ADORA2B: variants seen among roughly 807,000 people sequenced by gnomAD.
The protein encoded by ADORA2B is adenosine A2b receptor.
Under a neutral mutation model 20.8 loss-of-function variants are expected in ADORA2B, and 18 were observed. That is an observed-to-expected ratio of 0.87 (90% CI 0.60 to 1.29). The LOEUF is 1.29. Ranked by LOEUF, ADORA2B falls within the 50% of genes most tolerant of loss-of-function variation. ADORA2B has a pLI of 0.00. For missense variants in ADORA2B, 441 were observed against 422.7 expected, an observed-to-expected ratio of 1.04 and a Z score of -0.38; for synonymous variants, 179 against 178.3, an observed-to-expected ratio of 1.00 and a Z score of -0.03.
At chr17:15,967,075 G>A (rs1025408747) in intron 1 of ADORA2B, among the ~76,000 whole-genome samples, 2 of 152,206 alleles carry the variant, frequency 1.3e-5, no homozygotes, top group Non-Finnish European at 1.5e-5. Flanking sequence ...GGGTGGGGCC[G>A]AGGAGGGAGA....
At position 15,975,312 on chromosome 17, in the gene ADORA2B, G is replaced by GGTAC; in HGVS notation, c.970_973dup (p.Gln325ArgfsTer12). The GGTAC allele has an allele frequency of 6.2e-7, 1 of 1,612,734 alleles. No homozygotes were observed. Among genetic ancestry groups the GGTAC allele is most frequent in the South Asian group, 1.1e-5 (1 of 91,050 alleles). On this transcript the variant is annotated frameshift_variant, in exon 2 of 2. Coordinates refer to ENST00000304222, the MANE Select transcript of ADORA2B (RefSeq NM_000676.4). LOFTEE classifies it high-confidence loss of function. ...TCAAGAGTGGGAATGGTCAGGCTGG[G>GGTAC]GTACAGCCTGCTCTCGGTGTGGGCC...
chr17:15,897,608 GTAA>G, the ADORA2B span, among the ~76,000 whole-genome samples: 1 of 152,028 alleles, frequency 6.6e-6, no homozygotes, highest in Non-Finnish European at 1.5e-5. Context: ...CTGCTAACCA[GTAA>G]TAATAAGACA....
chr17:15,927,432 G>A, the ADORA2B span, among the ~76,000 whole-genome samples: 5 of 151,778 alleles, frequency 3.3e-5, no homozygotes, highest in African/African-American at 7.3e-5. Context: ...GCAGTGAGCC[G>A]AGTTTGAGCC....
chr17:15,858,245 G>T, the ADORA2B span, among the ~76,000 whole-genome samples: 1 of 151,980 alleles, frequency 6.6e-6, no homozygotes, highest in Non-Finnish European at 1.5e-5. Flanking sequence ...GGGTTTCTCT[G>T]CCTCCTCACC....
At chr17:15,916,990 G>C in the ADORA2B span, among the ~76,000 whole-genome samples, 3 of 152,228 alleles carry the variant, frequency 2.0e-5, no homozygotes, top group African/African-American at 4.8e-5. Flanking sequence ...TCGGCCACCT[G>C]TCCTGGAGAA....
At chr17:15,900,136 A>G in the ADORA2B span, among the ~76,000 whole-genome samples, 1 of 151,796 alleles carries the variant, frequency 6.6e-6, no homozygotes, top group Non-Finnish European at 1.5e-5. Context: ...AGCCAAACAC[A>G]TTTTCTTTAT....
chr17:15,951,799 G>A (rs1229355291), intron 1 of ADORA2B, among the ~76,000 whole-genome samples: 1 of 152,232 alleles, frequency 6.6e-6, no homozygotes, highest in African/African-American at 2.4e-5. Flanking sequence ...AGATGGAGGT[G>A]GACTTGGTGT....
At chr17:15,954,186 C>T (rs551765652) in intron 1 of ADORA2B, among the ~76,000 whole-genome samples, 4 of 152,084 alleles carry the variant, frequency 2.6e-5, no homozygotes, top group Non-Finnish European at 4.4e-5. Flanking sequence ...ACCATATTGG[C>T]CAGGCTGGTC....
At chr17:15,891,868 G>T in the ADORA2B span, among the ~76,000 whole-genome samples, 34 of 117,766 alleles carry the variant, frequency 2.9e-4, no homozygotes, top group Admixed American at 1.3e-3. Context: ...TTTTTTTTGA[G>T]ATGGAATCTC....
At chr17:15,850,867 G>A in the ADORA2B span, among the ~76,000 whole-genome samples, 11 of 152,244 alleles carry the variant, frequency 7.2e-5, no homozygotes, top group African/African-American at 1.9e-4. Context: ...TGTGAGCTCC[G>A]TGAGGACCAA....
chr17:15,903,747 AAAGT>A, the ADORA2B span, among the ~76,000 whole-genome samples: 2 of 152,216 alleles, frequency 1.3e-5, no homozygotes, highest in African/African-American at 2.4e-5. Context: ...TTAGTTGTGA[AAAGT>A]AAGAGTTCAA....
At chr17:15,963,694 G>T (rs1455538153) in intron 1 of ADORA2B, among the ~76,000 whole-genome samples, 1 of 152,198 alleles carries the variant, frequency 6.6e-6, no homozygotes. Context: ...AACTCTGGGA[G>T]ACCTGGTCCT....
chr17:15,946,943 C>CGGA (rs1364910083), intron 1 of ADORA2B, among the ~76,000 whole-genome samples: 1 of 152,154 alleles, frequency 6.6e-6, no homozygotes, highest in African/African-American at 2.4e-5. Context: ...GGAATGGAGC[C>CGGA]GGAGAATGCT....
intron 1 of ADORA2B, among the ~76,000 whole-genome samples, chr17:15,960,063 T>C (rs898931849): frequency 6.6e-6 from 1 of 151,668 alleles, no homozygotes; most frequent in Admixed American, 6.6e-5. Flanking sequence ...AGGCCAGAAG[T>C]TCAAGACCAG....
the ADORA2B span, among the ~76,000 whole-genome samples, chr17:15,926,973 A>G: frequency 6.6e-6 from 1 of 152,180 alleles, no homozygotes; most frequent in Admixed American, 6.5e-5. Context: ...CCTGTCTCAA[A>G]AAATAAAATA....
the ADORA2B span, among the ~76,000 whole-genome samples, chr17:15,894,059 C>T: frequency 1.8e-4 from 27 of 152,292 alleles, no homozygotes; most frequent in African/African-American, 6.3e-4. Flanking sequence ...TGACCTAGAA[C>T]ATCCTACAAT....
At chr17:15,905,286 G>C in the ADORA2B span, among the ~76,000 whole-genome samples, 13 of 150,462 alleles carry the variant, frequency 8.6e-5, no homozygotes, top group African/African-American at 2.7e-4. Context: ...GTTGTTGTTG[G>C]GGGGGGGTTG....
At chr17:15,931,892 C>T in the ADORA2B span, among the ~76,000 whole-genome samples, 1 of 151,716 alleles carries the variant, frequency 6.6e-6, no homozygotes, top group African/African-American at 2.4e-5. Flanking sequence ...CTACCATGCC[C>T]TACTAATTTT....
chr17:15,952,366 C>T (rs1007219733), intron 1 of ADORA2B, among the ~76,000 whole-genome samples: 2 of 152,180 alleles, frequency 1.3e-5, no homozygotes, highest in African/African-American at 4.8e-5. Flanking sequence ...TTGATCTTTG[C>T]GACCGCCCTA....
Sources: gnomAD v4.1 joint callset for allele counts (sites outside exome capture counted in the v4.1 genomes callset) on GRCh38, gnomAD v4.1.1 for gene constraint, MANE v1.5 for transcripts, NCBI Gene and HGNC (gene_info 2026-07-23, HGNC 2026-07-21) for gene names.